The following GABRB1 variants were observed in gnomAD, a reference collection of about 807,000 sequenced individuals.
GABRB1 encodes gamma-aminobutyric acid type A receptor subunit beta1.
Under a neutral mutation model 51.6 loss-of-function variants are expected in GABRB1, and 17 were observed. That is an observed-to-expected ratio of 0.33 (90% CI 0.23 to 0.49). The LOEUF is 0.49. Ranked by LOEUF, GABRB1 falls within the 20% of genes least tolerant of loss-of-function variation. GABRB1 has a pLI of 0.99. For missense variants in GABRB1, 410 were observed against 600.6 expected (o/e 0.68, Z 3.32); for synonymous variants, 247 against 218.9 (o/e 1.13, Z -1.14).
chr4:47,371,007 G>A (rs1025464036), intron 5 of GABRB1, among the ~76,000 whole-genome samples: 13 of 152,012 alleles, frequency 8.6e-5, no homozygotes, highest in Non-Finnish European at 1.8e-4. Flanking sequence ...ATATGCCAGG[G>A]TGGTTTGCTG....
chr4:47,183,001 C>T lies in GABRB1; in HGVS notation c.461+21532C>T, dbSNP rs188006936. On this transcript the variant is annotated intron_variant, in intron 4 of 8. Transcript: ENST00000295454. Reference sequence around the variant, plus strand: ...CTTCAGCTATAAAAATTACAGATTTCTTGTGTATTTATTATTCTTGCAAGT... The same window carrying T: ...CTTCAGCTATAAAAATTACAGATTTTTTGTGTATTTATTATTCTTGCAAGT... Among the ~76,000 whole-genome samples the T allele has an allele frequency of 3.4e-3, 518 of 151,736 alleles. 3 individuals carry two copies. The highest frequency in any genetic ancestry group is 5.7e-3 in the Non-Finnish European group (388 of 67,868).
At chr4:47,364,181 A>G (rs1726900424) in intron 5 of GABRB1, among the ~76,000 whole-genome samples, 1 of 152,152 alleles carries the variant, frequency 6.6e-6, no homozygotes, top group African/African-American at 2.4e-5. Context: ...ATTGCCTTGG[A>G]TTTTTTGAGA....
chr4:47,111,039 T>C (rs1715191627), intron 3 of GABRB1, among the ~76,000 whole-genome samples: 1 of 152,230 alleles, frequency 6.6e-6, no homozygotes, highest in Non-Finnish European at 1.5e-5. Context: ...CAAAATGAAT[T>C]GGATCTAGTT....
intron 5 of GABRB1, among the ~76,000 whole-genome samples, chr4:47,321,448 A>T (rs1725084681): frequency 6.6e-6 from 1 of 152,174 alleles, no homozygotes; most frequent in African/African-American, 2.4e-5. Context: ...TGAACAAGAA[A>T]ATTCATGAAA....
intron 4 of GABRB1, among the ~76,000 whole-genome samples, chr4:47,245,897 C>T (rs1226429473): frequency 6.7e-6 from 1 of 149,240 alleles, no homozygotes; most frequent in Non-Finnish European, 1.5e-5. Context: ...CTATTTTTTC[C>T]CTTTTCTGTC....
chr4:47,050,468 CT>C (rs1726298687), intron 3 of GABRB1, among the ~76,000 whole-genome samples: 1 of 151,648 alleles, frequency 6.6e-6, no homozygotes, highest in Non-Finnish European at 1.5e-5. Flanking sequence ...TTAAGAGCTG[CT>C]TGTTAGAAGT....
chr4:47,320,909 A>G (rs979623072), intron 5 of GABRB1, among the ~76,000 whole-genome samples: 1 of 151,878 alleles, frequency 6.6e-6, no homozygotes, highest in Non-Finnish European at 1.5e-5. Flanking sequence ...GGCTGGGACT[A>G]TAGGCGCCCG....
At chr4:47,001,804 C>T (rs1379431397) in intron 1 of GABRB1, among the ~76,000 whole-genome samples, 5 of 152,052 alleles carry the variant, frequency 3.3e-5, no homozygotes, top group South Asian at 2.1e-4. Context: ...TACAGTTGTA[C>T]GGGGATATAA....
intron 5 of GABRB1, among the ~76,000 whole-genome samples, chr4:47,372,747 G>T (rs1168151522): frequency 6.6e-6 from 1 of 152,148 alleles, no homozygotes; most frequent in Non-Finnish European, 1.5e-5. Flanking sequence ...TAACAGTCTG[G>T]CCAAAGATGT....
At chr4:47,002,253 A>G (rs1724254212) in intron 1 of GABRB1, among the ~76,000 whole-genome samples, 1 of 152,202 alleles carries the variant, frequency 6.6e-6, no homozygotes, top group Non-Finnish European at 1.5e-5. Context: ...AAATATCAAC[A>G]TTTACTTTAC....
At chr4:47,194,898 G>A (rs1371947596) in intron 4 of GABRB1, among the ~76,000 whole-genome samples, 1 of 152,144 alleles carries the variant, frequency 6.6e-6, no homozygotes, top group African/African-American at 2.4e-5. Flanking sequence ...GCTTATCTAG[G>A]CTTTAGGAGT....
At chr4:47,076,081 G>A (rs1727536779) in intron 3 of GABRB1, among the ~76,000 whole-genome samples, 1 of 152,194 alleles carries the variant, frequency 6.6e-6, no homozygotes, top group Non-Finnish European at 1.5e-5. Context: ...TTTTCCCAAT[G>A]AGATGCAGCT....
intron 3 of GABRB1, among the ~76,000 whole-genome samples, chr4:47,117,477 C>T (rs1226633095): frequency 6.6e-6 from 1 of 152,072 alleles, no homozygotes; most frequent in African/African-American, 2.4e-5. Context: ...TGAAACATTC[C>T]TCCAATATCA....
intron 4 of GABRB1, among the ~76,000 whole-genome samples, chr4:47,217,432 A>G (rs970413917): frequency 6.6e-6 from 1 of 151,822 alleles, no homozygotes; most frequent in Non-Finnish European, 1.5e-5. Flanking sequence ...AAGTGATGAC[A>G]TCACCTGAGA....
chr4:47,109,235 A>G (rs1403688475), intron 3 of GABRB1, among the ~76,000 whole-genome samples: 1 of 152,100 alleles, frequency 6.6e-6, no homozygotes, highest in Non-Finnish European at 1.5e-5. Context: ...TTTGTAATAG[A>G]CATCATTGGT....
chr4:47,174,734 A>G (rs1718590867), intron 4 of GABRB1, among the ~76,000 whole-genome samples: 1 of 152,096 alleles, frequency 6.6e-6, no homozygotes. Flanking sequence ...CAAGTTGCAG[A>G]GCATCTGTAA....
intron 5 of GABRB1, among the ~76,000 whole-genome samples, chr4:47,385,610 A>G (rs1259142850): frequency 6.6e-6 from 1 of 152,172 alleles, no homozygotes; most frequent in Non-Finnish European, 1.5e-5. Context: ...ACACCAACCA[A>G]TTCTCCTACT....
chr4:47,077,970 TTTATATATA>T (rs1191528174), intron 3 of GABRB1, among the ~76,000 whole-genome samples: 30 of 101,062 alleles, frequency 3.0e-4, no homozygotes, highest in African/African-American at 1.3e-3. Context: ...ATATATATAT[TTTATATATA>T]ATATATAATA....
chr4:47,411,782 T>A (rs1057274076), intron 8 of GABRB1, among the ~76,000 whole-genome samples: 1 of 152,152 alleles, frequency 6.6e-6, no homozygotes, highest in Non-Finnish European at 1.5e-5. Flanking sequence ...TGTAATAGTT[T>A]CCAAATAAAA....
Sources: allele counts gnomAD v4.1 joint callset (sites outside exome capture counted in the v4.1 genomes callset), GRCh38; gene constraint gnomAD v4.1.1; transcripts MANE v1.5; gene names NCBI Gene and HGNC (gene_info 2026-07-23, HGNC 2026-07-21).